PRKCZ: variants seen among roughly 807,000 people sequenced by gnomAD.
The protein encoded by PRKCZ is protein kinase C zeta type.
Under a neutral mutation model 79.5 loss-of-function variants are expected in PRKCZ, and 33 were observed. That is an observed-to-expected ratio of 0.41 (90% CI 0.31 to 0.55). The LOEUF is 0.55. Among genes scored for constraint, PRKCZ ranks in the 20% least tolerant of loss-of-function variants. PRKCZ has a pLI of 0.19. For synonymous variants in PRKCZ, 342 were observed against 320.9 expected (o/e 1.07, Z -0.70); for missense variants, 578 against 813.5 (o/e 0.71, Z 3.52).
chr1:2,117,865 C>T (rs545075090), intron 4 of PRKCZ, among the ~76,000 whole-genome samples: 145 of 152,070 alleles, frequency 9.5e-4, no homozygotes, highest in African/African-American at 3.3e-3. Flanking sequence ...AATGGTAGAC[C>T]GATGGCATTC....
chr1:2,057,801 T>TA (rs902769449), intron 3 of PRKCZ, among the ~76,000 whole-genome samples: 4 of 152,106 alleles, frequency 2.6e-5, no homozygotes, highest in African/African-American at 9.6e-5. Flanking sequence ...ACCTCCCAGA[T>TA]ATAAGCGATT....
chr1:2,135,328 A>G lies in PRKCZ; in HGVS notation c.401A>G (p.Gln134Arg). The change falls in exon 5 of 18, where the codon CAA becomes CGA. Residue 134 changes from glutamine (Q) to arginine (R), a missense_variant. This residue lies in a region of PRKCZ where 228 missense variants were observed against 211.6 expected (regional missense o/e 1.08). Coordinates refer to ENST00000378567, the MANE Select transcript of PRKCZ (RefSeq NM_002744.6). ...KLYRANGHLF[Q>R]AKRFNRRAYC... ...TACCGTGCCAACGGCCACCTCTTCC[A>G]AGCCAAGCGCTTTAACAGGGTGAGT... The G allele has an allele frequency of 6.2e-7, 1 of 1,613,084 alleles. No homozygotes were observed. Among genetic ancestry groups the G allele is most frequent in the South Asian group, 1.1e-5 (1 of 91,042 alleles).
At chr1:2,078,661 C>T (rs540125459) in intron 4 of PRKCZ, among the ~76,000 whole-genome samples, 6 of 152,232 alleles carry the variant, frequency 3.9e-5, no homozygotes, top group Admixed American at 6.5e-5. Context: ...TTAGAGTTAA[C>T]GCTGATTATT....
At chr1:2,080,330 G>A (rs543531160) in intron 4 of PRKCZ, among the ~76,000 whole-genome samples, 6 of 152,240 alleles carry the variant, frequency 3.9e-5, no homozygotes, top group South Asian at 4.2e-4. Flanking sequence ...GGGGCAGTGC[G>A]CGTGGACGTG....
rs554393024 is a variant in PRKCZ at position 2,099,312 on chromosome 1, T to C, written c.335-35950T>C. On this transcript the variant is annotated intron_variant, in intron 4 of 17. Coordinates refer to ENST00000378567, the MANE Select transcript of PRKCZ (RefSeq NM_002744.6). ...GTGACGTCTGAGACCTTTTCCCAGCTGGAGCCCTGTCATTCATTCATTCAT... is the reference window on the plus strand; with the variant it reads ...GTGACGTCTGAGACCTTTTCCCAGCCGGAGCCCTGTCATTCATTCATTCAT... Among the ~76,000 whole-genome samples, 7 of 152,350 alleles carry C rather than the reference T, an allele frequency of 4.6e-5. No homozygotes were observed. In the East Asian group the frequency reaches 1.3e-3, roughly 29 times the overall value.
At chr1:2,096,743 A>G (rs924556656) in intron 4 of PRKCZ, among the ~76,000 whole-genome samples, 4 of 152,078 alleles carry the variant, frequency 2.6e-5, no homozygotes, top group African/African-American at 7.2e-5. Context: ...CAACTCAGGA[A>G]CTTCCCCAGA....
chr1:2,168,619 G>A lies in PRKCZ; in HGVS notation c.975-899G>A, dbSNP rs1302710922. ...TTCTGGGAGCTTGTGGAGGGCAGGA[G>A]CAGGGACAGGTGCCTTGAGGCGTAA... On this transcript the variant is annotated intron_variant, in intron 10 of 17. Transcript: ENST00000378567. The surrounding 1 kb of genome is among the most constrained non-coding windows in gnomAD (Gnocchi z 4.7). Among the ~76,000 whole-genome samples the A allele has an allele frequency of 6.6e-6, 1 of 152,192 alleles. No individual in the cohort carries two copies. The highest frequency in any genetic ancestry group is 1.9e-4 in the East Asian group (1 of 5,190).
chr1:2,075,545 G>T lies in PRKCZ; in HGVS notation c.334+15954G>T, dbSNP rs1336898958. Among the ~76,000 whole-genome samples, 1 of 152,176 alleles carries T rather than the reference G, an allele frequency of 6.6e-6. No homozygotes were observed. The highest frequency in any genetic ancestry group is 1.5e-5 in the Non-Finnish European group (1 of 68,032). ...TGTCCCAGCTGCATCAGCCATCAGTGGGGGCCCTTCTCCGACCGTCTTCCT... is the reference window on the plus strand; with the variant it reads ...TGTCCCAGCTGCATCAGCCATCAGTTGGGGCCCTTCTCCGACCGTCTTCCT... On this transcript the variant is annotated intron_variant, in intron 4 of 17. Coordinates refer to ENST00000378567, the MANE Select transcript of PRKCZ (RefSeq NM_002744.6). This position sits in a 1 kb window ranked among gnomAD's most constrained non-coding sequence, Gnocchi z 4.8.
At chr1:2,074,612 C>T (rs1044383338) in intron 4 of PRKCZ, 15 of 450,542 alleles carry the variant, frequency 3.3e-5, no homozygotes, top group South Asian at 8.7e-5. Flanking sequence ...CCTGCCCTCC[C>T]GCCTGTCTGA....
intron 4 of PRKCZ, among the ~76,000 whole-genome samples, chr1:2,096,396 G>A (rs1019904293): frequency 2.0e-5 from 3 of 152,066 alleles, no homozygotes; most frequent in African/African-American, 4.8e-5. Context: ...CCCACTGGGA[G>A]CACGGGTGAG....
intron 4 of PRKCZ, among the ~76,000 whole-genome samples, chr1:2,085,834 C>T (rs1664422604): frequency 6.6e-6 from 1 of 152,120 alleles, no homozygotes; most frequent in Non-Finnish European, 1.5e-5. Context: ...GGGCCCGGCT[C>T]CCCTCTCACA....
chr1:2,145,365 C>G (rs1219884551), intron 6 of PRKCZ: 1 of 152,102 alleles, frequency 6.6e-6, no homozygotes, highest in Non-Finnish European at 1.5e-5. Context: ...TTAGAATGGC[C>G]CCCTGATGCT....
intron 4 of PRKCZ, among the ~76,000 whole-genome samples, chr1:2,087,941 C>T (rs1451156598): frequency 2.6e-5 from 4 of 152,312 alleles, no homozygotes; most frequent in Admixed American, 6.5e-5. Context: ...AGGCTGGGAA[C>T]GCTGGGACGG....
intron 4 of PRKCZ, among the ~76,000 whole-genome samples, chr1:2,124,170 C>T (rs72637852): frequency 2.0e-4 from 1 of 4,980 alleles, no homozygotes; most frequent in African/African-American, 1.5e-3. Context: ...GTTAGGGTCA[C>T]GGCGGTGGTT....
rs1191730837 is a variant in PRKCZ, at chr1:2,148,846, C to T, written c.635-26C>T. Reference sequence around the variant, plus strand: ...TGCGTTCCTGACCACACCGTAACGCCCCTTCCTTCCTCCCTCTCTCACCAG... The same window carrying T: ...TGCGTTCCTGACCACACCGTAACGCTCCTTCCTTCCTCCCTCTCTCACCAG... On this transcript the variant is annotated intron_variant, in intron 7 of 17. Coordinates refer to ENST00000378567, the MANE Select transcript of PRKCZ (RefSeq NM_002744.6). The T allele has an allele frequency of 1.9e-6, 3 of 1,612,446 alleles. No homozygotes were observed. In the Admixed American group the frequency reaches 5.0e-5, roughly 27 times the overall value.
At chr1:2,115,224 G>T (rs976343113) in intron 4 of PRKCZ, among the ~76,000 whole-genome samples, 1 of 152,252 alleles carries the variant, frequency 6.6e-6, no homozygotes, top group Non-Finnish European at 1.5e-5. Flanking sequence ...TGCCGTGTCC[G>T]TCCCCACTGC....
At chr1:2,059,075 G>A (rs192565596) in intron 3 of PRKCZ, among the ~76,000 whole-genome samples, 76 of 152,260 alleles carry the variant, frequency 5.0e-4, no homozygotes, top group African/African-American at 1.7e-3. Context: ...GATTGCAGGC[G>A]TGAGCCATCA....
In PRKCZ at chr1:2,144,190, C is replaced by T. The variant is rs372672289; in HGVS notation, c.421-20C>T. 2.0e-4 allele frequency: 303 copies of T among 1,550,168 alleles called. 3 individuals are homozygous for T. In the South Asian group the frequency reaches 2.2e-3, roughly 11 times the overall value. On this transcript the variant is annotated intron_variant, in intron 5 of 17. Transcript: ENST00000378567. ...GCCCCTCAGTGTGGCCTGGGCCTGA[C>T]GCTCTGTTCCCACCTGCAGAGAGCG...
Position 2,144,223 on chromosome 1 carries a change from G to T in PRKCZ, c.434G>T (p.Gly145Val). 1 of 1,552,348 alleles carries T rather than the reference G, an allele frequency of 6.4e-7. No individual in the cohort carries two copies. Among genetic ancestry groups the T allele is most frequent in the Non-Finnish European group, 8.7e-7 (1 of 1,147,256 alleles). ...TCCCACCTGCAGAGAGCGTACTGCG[G>T]TCAGTGCAGCGAGAGGATATGGGGC... ...AKRFNRRAYC[G>V]QCSERIWGLA... The change falls in exon 6 of 18, where the codon GGT (glycine) becomes GTT (valine). Residue 145 changes from glycine to valine, a missense_variant. Physicochemically the swap from Gly to Val is moderately radical, Grantham distance 109. Coordinates refer to ENST00000378567, the MANE Select transcript of PRKCZ (RefSeq NM_002744.6).
Sources: allele counts gnomAD v4.1 joint callset (sites outside exome capture counted in the v4.1 genomes callset), GRCh38; gene constraint gnomAD v4.1.1; regional missense constraint gnomAD v4.1.1; non-coding constraint Gnocchi (gnomAD v3.1); transcripts MANE v1.5; gene names NCBI Gene and HGNC (gene_info 2026-07-23, HGNC 2026-07-21).